Variants in SCOC observed in about 807,000 individuals in gnomAD.
The protein encoded by SCOC is short coiled coil protein.
A neutral mutation model predicts 9.9 loss-of-function variants in SCOC; 7 were observed. That is an observed-to-expected ratio of 0.71 (90% CI 0.40 to 1.33). The LOEUF is 1.33. Among genes scored for constraint, SCOC ranks in the 40% most tolerant of loss-of-function variants. SCOC has a pLI of 0.01. For synonymous variants in SCOC, 19 were observed against 28.2 expected (o/e 0.67, Z 1.03); for missense variants, 66 against 89.7 (o/e 0.74, Z 1.07).
chr4:140,347,842 C>T (rs955036133), intron 2 of SCOC, among the ~76,000 whole-genome samples: 1 of 152,120 alleles, frequency 6.6e-6, no homozygotes, highest in African/African-American at 2.4e-5. Context: ...AGACATTACT[C>T]TTACTATGGT....
intron 1 of SCOC, chr4:140,283,911 A>C (rs1463433373): frequency 6.6e-6 from 1 of 152,240 alleles, no homozygotes; most frequent in African/African-American, 2.4e-5. Context: ...TCCATTGTCC[A>C]GTTTGAATAA....
At chr4:140,270,724 G>A (rs748647575) in intron 1 of SCOC, among the ~76,000 whole-genome samples, 1 of 152,132 alleles carries the variant, frequency 6.6e-6, no homozygotes, top group Non-Finnish European at 1.5e-5. Flanking sequence ...TGGTTGGTTT[G>A]CATAGAAAGG....
intron 1 of SCOC, among the ~76,000 whole-genome samples, chr4:140,378,338 G>C (rs910847684): frequency 6.6e-6 from 1 of 151,076 alleles, no homozygotes; most frequent in African/African-American, 2.5e-5. Context: ...TAATATCAGA[G>C]CATTTTTTCA....
chr4:140,311,356 A>G (rs1325762937), intron 1 of SCOC, among the ~76,000 whole-genome samples: 1 of 152,202 alleles, frequency 6.6e-6, no homozygotes, highest in African/African-American at 2.4e-5. Context: ...TCAACTACCA[A>G]TGCTGTAAAT....
chr4:140,369,332 C>A, upstream of SCOC: 1 of 404,378 alleles, frequency 2.5e-6, no homozygotes. Context: ...AGCATTCATT[C>A]TCCAATGAAT....
chr4:140,268,925 A>G (rs546190689), intron 1 of SCOC, among the ~76,000 whole-genome samples: 3 of 152,274 alleles, frequency 2.0e-5, no homozygotes, highest in South Asian at 2.1e-4. Flanking sequence ...AGAGCATTTC[A>G]TTGTGGGTTT....
At chr4:140,363,484 T>C (rs1727661106) in intron 2 of SCOC, among the ~76,000 whole-genome samples, 1 of 152,240 alleles carries the variant, frequency 6.6e-6, no homozygotes. Flanking sequence ...CTAGTCTGTG[T>C]TACTATTACC....
intron 1 of SCOC, among the ~76,000 whole-genome samples, chr4:140,336,901 T>G (rs1397514299): frequency 6.6e-6 from 1 of 152,226 alleles, no homozygotes; most frequent in African/African-American, 2.4e-5. Flanking sequence ...ATTCCCATTT[T>G]GTTTTGTTTT....
At chr4:140,355,187 C>A (rs1727154318) in intron 2 of SCOC, among the ~76,000 whole-genome samples, 1 of 132,020 alleles carries the variant, frequency 7.6e-6, no homozygotes, top group South Asian at 2.5e-4. Context: ...ACTGGCCCAA[C>A]TTCTCAGCCT....
rs971017227 is a variant in SCOC at position 140,337,486 on chromosome 4, C to T, written c.-18-6135C>T. ...ACTGGCATAAAAGTAGATATATAGC[C>T]CAATGGACTAGAAATGAGATTCCAG... is the stretch of plus-strand genomic sequence containing the variant. On this transcript the variant is annotated intron_variant, in intron 1 of 4. Coordinates refer to the SCOC transcript ENST00000394205. 3.3e-5 allele frequency among the ~76,000 whole-genome samples: 5 copies of T among 152,004 alleles called. No individual in the cohort carries two copies. The South Asian group carries it at 6.2e-4, about 19-fold the overall frequency.
intron 1 of SCOC, among the ~76,000 whole-genome samples, chr4:140,295,370 C>T (rs1335579850): frequency 1.3e-5 from 2 of 152,162 alleles, no homozygotes; most frequent in Non-Finnish European, 2.9e-5. Context: ...CACACCCCAC[C>T]ACTCCATGTG....
At chr4:140,353,723 T>C (rs1346331395) in intron 2 of SCOC, among the ~76,000 whole-genome samples, 1 of 152,164 alleles carries the variant, frequency 6.6e-6, no homozygotes, top group East Asian at 1.9e-4. Context: ...TCCTCAACAT[T>C]GGGAACACAA....
Position 140,382,075 on chromosome 4 carries a change from T to C in SCOC, c.*971T>C, listed in dbSNP as rs1728592172. ...CAAAGAGTTTGGTCTCTAAGTTGATTTGTACCCAGTGGGTCAACTTCTGCA... is the reference window on the plus strand; with the variant it reads ...CAAAGAGTTTGGTCTCTAAGTTGATCTGTACCCAGTGGGTCAACTTCTGCA... On this transcript the variant is annotated 3_prime_UTR_variant, in exon 4 of 4. Coordinates refer to ENST00000608372, the MANE Select transcript of SCOC (RefSeq NM_001153484.2). 6.6e-6 allele frequency: 1 copy of C among 152,166 alleles called. No homozygotes were observed. The highest frequency in any genetic ancestry group is 2.1e-4 in the South Asian group (1 of 4,834). The allele number at this position is 152,166 out of a possible 1,614,324, so 9.4% of individuals were successfully genotyped here.
At chr4:140,378,442 A>G (rs570020334) in intron 1 of SCOC, among the ~76,000 whole-genome samples, 2 of 152,218 alleles carry the variant, frequency 1.3e-5, no homozygotes, top group Admixed American at 1.3e-4. Context: ...TAGTATAGTC[A>G]TAATTATTTT....
rs1464966872 is a variant in SCOC, at chr4:140,381,407, A to G, written c.*303A>G. ...TAGCACTGTCTTTTATTATAGGATT[A>G]GTAAGATATACAAGAAAATAACCAC... is the stretch of plus-strand genomic sequence containing the variant. On this transcript the variant is annotated 3_prime_UTR_variant, in exon 4 of 4. Transcript: ENST00000608372. 2 of 184,574 alleles carry G rather than the reference A, an allele frequency of 1.1e-5. No homozygotes were observed. Among genetic ancestry groups the G allele is most frequent in the Non-Finnish European group, 2.2e-5 (2 of 89,042 alleles). 11.4% of individuals were successfully genotyped at this position (184,574 alleles called of 1,614,324 possible). A position where few individuals can be genotyped will look rare whatever the true frequency, so the allele number is the denominator to read the frequency against.
intron 1 of SCOC, among the ~76,000 whole-genome samples, chr4:140,304,313 A>G (rs1219499030): frequency 6.6e-6 from 1 of 152,130 alleles, no homozygotes; most frequent in Non-Finnish European, 1.5e-5. Context: ...GTGAGGTAGC[A>G]GGTAGGAGGT....
intron 1 of SCOC, among the ~76,000 whole-genome samples, chr4:140,320,230 C>G (rs1732458998): frequency 6.6e-6 from 1 of 152,188 alleles, no homozygotes; most frequent in Non-Finnish European, 1.5e-5. Context: ...GACACACTTT[C>G]ACCAGCACCA....
chr4:140,296,109 A>G (rs748016442), intron 1 of SCOC, among the ~76,000 whole-genome samples: 1 of 152,142 alleles, frequency 6.6e-6, no homozygotes, highest in Non-Finnish European at 1.5e-5. Flanking sequence ...TGAAGATTTC[A>G]GACTCACTGC....
At chr4:140,327,346 T>A (rs1342722564) in intron 1 of SCOC, among the ~76,000 whole-genome samples, 1 of 152,176 alleles carries the variant, frequency 6.6e-6, no homozygotes, top group African/African-American at 2.4e-5. Context: ...TCAGGTGGGA[T>A]TTCAAAATCC....
Sources: gnomAD v4.1 joint callset for allele counts (sites outside exome capture counted in the v4.1 genomes callset) on GRCh38, gnomAD v4.1.1 for gene constraint, MANE v1.5 for transcripts, NCBI Gene and HGNC (gene_info 2026-07-23, HGNC 2026-07-21) for gene names.